MAGI1: variants seen among roughly 807,000 people sequenced by gnomAD.
The protein encoded by MAGI1 is membrane associated guanylate kinase, WW and PDZ domain containing 1.
A neutral mutation model predicts 139.9 loss-of-function variants in MAGI1; 58 were observed. The ratio of observed to expected loss-of-function variants is 0.41; its 90% CI spans 0.34 to 0.52. MAGI1 has a LOEUF of 0.52. MAGI1 is among the 20% of genes least tolerant of loss of function. MAGI1 has a pLI of 0.12. For missense variants in MAGI1, 1,874 were observed against 1,901.6 expected, an observed-to-expected ratio of 0.99 and a Z score of 0.27; for synonymous variants, 812 against 737.9, an observed-to-expected ratio of 1.10 and a Z score of -1.63.
Position 65,896,589 on chromosome 3 carries a change from C to T in MAGI1, c.313+141407G>A, listed in dbSNP as rs80239312. On this transcript the variant is annotated intron_variant, in intron 1 of 22. Transcript: ENST00000402939. ...ATGCAGGAGGCTGGGGCAGGAGGATCGCTGGAGCCCATAAGTTTGAAGTTA... is the reference window on the plus strand; with the variant it reads ...ATGCAGGAGGCTGGGGCAGGAGGATTGCTGGAGCCCATAAGTTTGAAGTTA... 7.2e-3 allele frequency among the ~76,000 whole-genome samples: 1,090 copies of T among 152,160 alleles called. 14 individuals carry two copies. The highest frequency in any genetic ancestry group is 0.025 in the African/African-American group (1,039 of 41,520).
intron 1 of MAGI1, among the ~76,000 whole-genome samples, chr3:65,869,466 T>C (rs939078780): frequency 6.7e-6 from 1 of 149,908 alleles, no homozygotes; most frequent in African/African-American, 2.5e-5. Flanking sequence ...AGTGGCGTGA[T>C]CTCCACTCAC....
intron 4 of MAGI1, among the ~76,000 whole-genome samples, chr3:65,473,639 C>CAAAAAAAAAAAAAAAAAAAA: frequency 1.1e-5 from 1 of 87,356 alleles, no homozygotes; most frequent in Non-Finnish European, 2.1e-5. Context: ...TACATGTTTA[C>CAAAAAAAAAAAAAAAAAAAA]AAAAAAAAAA....
At chr3:66,018,835 G>A (rs189805047) in intron 1 of MAGI1, among the ~76,000 whole-genome samples, 3 of 152,280 alleles carry the variant, frequency 2.0e-5, no homozygotes. Context: ...TTGCAAGAAT[G>A]AGAACTGGCT....
intron 1 of MAGI1, among the ~76,000 whole-genome samples, chr3:65,856,108 T>C (rs2059370712): frequency 6.6e-6 from 1 of 152,060 alleles, no homozygotes; most frequent in East Asian, 1.9e-4. Flanking sequence ...AGGGACTGGG[T>C]GGGAGGAGTA....
intron 2 of MAGI1, among the ~76,000 whole-genome samples, chr3:65,568,082 G>C (rs1014412992): frequency 6.6e-6 from 1 of 152,094 alleles, no homozygotes; most frequent in Non-Finnish European, 1.5e-5. Context: ...TATTTACCGG[G>C]TAAAGGACAC....
chr3:65,545,771 C>T (rs1421991820), intron 2 of MAGI1, among the ~76,000 whole-genome samples: 2 of 151,660 alleles, frequency 1.3e-5, no homozygotes, highest in East Asian at 3.9e-4. Flanking sequence ...CTAGTAGACA[C>T]CCTTCCCCTC....
intron 1 of MAGI1, among the ~76,000 whole-genome samples, chr3:65,850,535 A>G (rs937946690): frequency 6.6e-6 from 1 of 152,216 alleles, no homozygotes; most frequent in South Asian, 2.1e-4. Flanking sequence ...CATCTAAAAG[A>G]GTTTTCCATT....
At chr3:65,424,838 T>C (rs1946890114) in intron 12 of MAGI1, among the ~76,000 whole-genome samples, 1 of 152,162 alleles carries the variant, frequency 6.6e-6, no homozygotes. Flanking sequence ...CTAACATTTT[T>C]TGCAACTCTG....
At chr3:65,805,467 G>A (rs756928558) in intron 1 of MAGI1, among the ~76,000 whole-genome samples, 1 of 152,192 alleles carries the variant, frequency 6.6e-6, no homozygotes, top group Non-Finnish European at 1.5e-5. Context: ...TGGAGAAACA[G>A]GAATGCTTTT....
At chr3:65,808,897 G>T (rs2041042359) in intron 1 of MAGI1, among the ~76,000 whole-genome samples, 1 of 152,178 alleles carries the variant, frequency 6.6e-6, no homozygotes, top group African/African-American at 2.4e-5. Flanking sequence ...AAACTCTGCT[G>T]GGAAATGTGA....
chr3:65,717,031 G>A (rs1265961549), intron 1 of MAGI1, among the ~76,000 whole-genome samples: 1 of 152,186 alleles, frequency 6.6e-6, no homozygotes, highest in Non-Finnish European at 1.5e-5. Context: ...TTGCCGATAT[G>A]ATTAAGTAAA....
chr3:65,631,427 C>A (rs530176357), intron 1 of MAGI1, among the ~76,000 whole-genome samples: 1 of 152,150 alleles, frequency 6.6e-6, no homozygotes, highest in African/African-American at 2.4e-5. Context: ...TTAAGGGCTA[C>A]GTAGTATTTT....
chr3:65,869,984 T>A (rs1392796620), intron 1 of MAGI1, among the ~76,000 whole-genome samples: 4 of 152,242 alleles, frequency 2.6e-5, no homozygotes, highest in Non-Finnish European at 5.9e-5. Context: ...CATTGCATTC[T>A]GTACCTGGCT....
At chr3:65,517,749 C>T (rs768222117) in intron 2 of MAGI1, among the ~76,000 whole-genome samples, 5 of 152,094 alleles carry the variant, frequency 3.3e-5, no homozygotes, top group Admixed American at 1.3e-4. Context: ...CTCTGAGCCT[C>T]GAGACTCAAA....
At chr3:65,553,049 T>C (rs2079920575) in intron 2 of MAGI1, among the ~76,000 whole-genome samples, 1 of 152,034 alleles carries the variant, frequency 6.6e-6, no homozygotes, top group Admixed American at 6.5e-5. Context: ...TAGCTATTCC[T>C]GATACTCAGA....
chr3:65,424,832 C>T (rs1251162605), intron 12 of MAGI1, among the ~76,000 whole-genome samples: 1 of 152,136 alleles, frequency 6.6e-6, no homozygotes, highest in East Asian at 1.9e-4. Flanking sequence ...AGAAGCCTAA[C>T]ATTTTTTGCA....
intron 1 of MAGI1, among the ~76,000 whole-genome samples, chr3:65,994,573 C>T (rs938817852): frequency 1.3e-5 from 2 of 152,170 alleles, no homozygotes; most frequent in African/African-American, 2.4e-5. Context: ...CAACCAACCA[C>T]CATTTCATCT....
At chr3:65,709,862 A>G (rs746406615) in intron 1 of MAGI1, among the ~76,000 whole-genome samples, 7 of 152,240 alleles carry the variant, frequency 4.6e-5, no homozygotes, top group Non-Finnish European at 1.0e-4. Context: ...ATTGAAACAT[A>G]AACCATAACT....
intron 1 of MAGI1, among the ~76,000 whole-genome samples, chr3:66,034,898 G>A (rs570904185): frequency 5.9e-5 from 9 of 152,202 alleles, no homozygotes; most frequent in Admixed American, 3.3e-4. Flanking sequence ...TATGGTGCAG[G>A]GGGAGGGGGG....
Sources: allele counts gnomAD v4.1 joint callset (sites outside exome capture counted in the v4.1 genomes callset), GRCh38; gene constraint gnomAD v4.1.1; transcripts MANE v1.5; gene names NCBI Gene and HGNC (gene_info 2026-07-23, HGNC 2026-07-21).